The following ENTHD1 variants were observed in gnomAD, a reference collection of about 807,000 sequenced individuals.
ENTHD1 encodes the protein ENTH domain-containing protein 1.
In ENTHD1, 23 loss-of-function variants were observed where a neutral mutation model predicts 39.1. The ratio of observed to expected loss-of-function variants is 0.59; its 90% CI spans 0.42 to 0.83. The LOEUF (loss-of-function observed/expected upper bound fraction) is 0.83, where lower values mean the gene tolerates loss of function less well. Among genes scored for constraint, ENTHD1 ranks in the 40% least tolerant of loss-of-function variants. The pLI is 0.00. For missense variants in ENTHD1, 624 were observed against 705.4 expected (o/e 0.88, Z 1.31); for synonymous variants, 230 against 258.2 (o/e 0.89, Z 1.05).
chr22:39,844,772 G>C (rs2065973589), intron 3 of ENTHD1, among the ~76,000 whole-genome samples: 3 of 152,108 alleles, frequency 2.0e-5, no homozygotes, highest in Admixed American at 1.3e-4. Flanking sequence ...GAACTGAATG[G>C]AGAATGCTTT....
intron 4 of ENTHD1, among the ~76,000 whole-genome samples, chr22:39,834,833 C>T (rs1479734659): frequency 6.6e-6 from 1 of 152,122 alleles, no homozygotes; most frequent in African/African-American, 2.4e-5. Flanking sequence ...ACCTGTCGGC[C>T]CCCCAGGAGC....
intron 2 of ENTHD1, among the ~76,000 whole-genome samples, chr22:39,868,422 TA>T (rs2066208583): frequency 1.3e-5 from 2 of 148,874 alleles, no homozygotes; most frequent in African/African-American, 4.9e-5. Context: ...CAAAATAGCC[TA>T]AACACTAAAA....
intron 4 of ENTHD1, among the ~76,000 whole-genome samples, chr22:39,830,063 A>G (rs989689131): frequency 6.6e-5 from 10 of 152,040 alleles, no homozygotes; most frequent in Non-Finnish European, 5.9e-5. Context: ...CTTTTAAAAC[A>G]ATCTATGTGT....
chr22:39,830,259 G>A (rs2065858520), intron 4 of ENTHD1, among the ~76,000 whole-genome samples: 1 of 152,096 alleles, frequency 6.6e-6, no homozygotes, highest in East Asian at 1.9e-4. Flanking sequence ...ATTTTTAGTA[G>A]AGATGGGGTT....
At chr22:39,826,996 T>C (rs1463961340) in intron 4 of ENTHD1, among the ~76,000 whole-genome samples, 1 of 151,518 alleles carries the variant, frequency 6.6e-6, no homozygotes, top group African/African-American at 2.4e-5. Flanking sequence ...TATAAGCGCA[T>C]GCCACCATGC....
At chr22:39,772,369 G>T (rs1340705128) in intron 5 of ENTHD1, among the ~76,000 whole-genome samples, 1 of 152,134 alleles carries the variant, frequency 6.6e-6, no homozygotes, top group Non-Finnish European at 1.5e-5. Context: ...ACCAGTCCGT[G>T]GCCCAGGGGT....
rs756896341 is a variant in ENTHD1 at position 39,787,172 on chromosome 22, TG to T, written c.833-21564del. 2.8e-4 allele frequency among the ~76,000 whole-genome samples: 43 copies of T among 152,264 alleles called. 2 individuals are homozygous for T. Among genetic ancestry groups the T allele is most frequent in the Admixed American group, 2.4e-3 (36 of 15,276 alleles). ...TTTTTCTACAGTAATCATTTTGGGG[TG>T]CCATGAATCTCTCCCACATAAGACA... On this transcript the variant is annotated intron_variant, in intron 5 of 6. Coordinates refer to ENST00000325157, the MANE Select transcript of ENTHD1 (RefSeq NM_152512.4).
intron 2 of ENTHD1, among the ~76,000 whole-genome samples, chr22:39,862,642 T>C (rs1209477369): frequency 6.6e-6 from 1 of 151,758 alleles, no homozygotes; most frequent in Non-Finnish European, 1.5e-5. Context: ...GATCTAGATA[T>C]ACTGACCTAG....
At chr22:39,807,043 T>TATCTGCC (rs1328644107) in intron 5 of ENTHD1, among the ~76,000 whole-genome samples, 1 of 152,082 alleles carries the variant, frequency 6.6e-6, no homozygotes, top group Non-Finnish European at 1.5e-5. Flanking sequence ...GGAAGGAGCT[T>TATCTGCC]ACCTGCCACA....
Position 39,743,432 on chromosome 22 carries a change from A to T in ENTHD1, c.*247T>A, listed in dbSNP as rs2065074623. ...TTGAGGTACAGAGCATGAAAGAATG[A>T]AATTCTCTTCTGTTTCAAATGAACT... On this transcript the variant is annotated 3_prime_UTR_variant, in exon 7 of 7. Transcript: ENST00000325157. The T allele has an allele frequency of 4.8e-6, 2 of 412,688 alleles. No individual in the cohort carries two copies. The highest frequency in any genetic ancestry group is 8.4e-6 in the Non-Finnish European group (2 of 237,732). 25.6% of individuals were successfully genotyped at this position (412,688 alleles called of 1,614,324 possible).
chr22:39,860,480 C>T (rs912016305), intron 3 of ENTHD1, among the ~76,000 whole-genome samples: 16 of 152,272 alleles, frequency 1.1e-4, no homozygotes, highest in African/African-American at 3.1e-4. Context: ...TTTTAGAAGC[C>T]GGTAGGTAGT....
chr22:39,867,529 C>G lies in ENTHD1; in HGVS notation c.350-5522G>C, dbSNP rs2066194711. 6.6e-6 allele frequency among the ~76,000 whole-genome samples: 1 copy of G among 152,118 alleles called. No individual in the cohort carries two copies. The highest frequency in any genetic ancestry group is 1.5e-5 in the Non-Finnish European group (1 of 68,020). On this transcript the variant is annotated intron_variant, in intron 2 of 6. Coordinates refer to ENST00000325157, the MANE Select transcript of ENTHD1 (RefSeq NM_152512.4). The surrounding 1 kb of genome is among the most constrained non-coding windows in gnomAD (Gnocchi z 4.5). The stretch of plus-strand genomic sequence containing the variant: ...TTGACTATACCCACTAATTATCTTC[C>G]AAATCCATTCTCTCCTCTTCATCTT...
chr22:39,831,187 G>A (rs761337766), intron 4 of ENTHD1, among the ~76,000 whole-genome samples: 2 of 152,184 alleles, frequency 1.3e-5, no homozygotes, highest in African/African-American at 4.8e-5. Context: ...ACAGCCTGGG[G>A]TTGTGGCTTC....
At chr22:39,855,560 T>C (rs1339967951) in intron 3 of ENTHD1, among the ~76,000 whole-genome samples, 1 of 147,974 alleles carries the variant, frequency 6.8e-6, no homozygotes, top group African/African-American at 2.5e-5. Context: ...TCAGTGGGAC[T>C]AAGTACTAAA....
At chr22:39,876,063 T>C in intron 2 of ENTHD1, 1 of 1,613,852 alleles carries the variant, frequency 6.2e-7, no homozygotes, top group South Asian at 1.1e-5. Flanking sequence ...ACTCTCAACC[T>C]TGAAGTCCCC....
At chr22:39,855,830 A>T (rs148432457) in intron 3 of ENTHD1, among the ~76,000 whole-genome samples, 64 of 152,286 alleles carry the variant, frequency 4.2e-4, no homozygotes, top group African/African-American at 1.5e-3. Context: ...CACCTACAAG[A>T]GAGTATTTCA....
At chr22:39,752,055 C>T (rs974909231) in intron 6 of ENTHD1, among the ~76,000 whole-genome samples, 2 of 148,822 alleles carry the variant, frequency 1.3e-5, no homozygotes, top group African/African-American at 2.4e-5. Flanking sequence ...AGCTTTATTT[C>T]TCTCTCTCTC....
At chr22:39,828,312 A>C (rs1179407519) in intron 4 of ENTHD1, among the ~76,000 whole-genome samples, 1 of 152,246 alleles carries the variant, frequency 6.6e-6, no homozygotes. Context: ...TAATTTAAAA[A>C]GAAGTAACAA....
At chr22:39,821,556 T>C (rs751691344) in intron 4 of ENTHD1, among the ~76,000 whole-genome samples, 72 of 152,372 alleles carry the variant, frequency 4.7e-4, no homozygotes, top group Non-Finnish European at 4.9e-4. Flanking sequence ...AATCAACTGA[T>C]GGCTAATCTT....
Sources: gnomAD v4.1 joint callset for allele counts (sites outside exome capture counted in the v4.1 genomes callset) on GRCh38, gnomAD v4.1.1 for gene constraint, Gnocchi (gnomAD v3.1) non-coding constraint, MANE v1.5 for transcripts, NCBI Gene and HGNC (gene_info 2026-07-23, HGNC 2026-07-21) for gene names.